The following CFAP92 variants were observed in gnomAD, a reference collection of about 807,000 sequenced individuals.
CFAP92 encodes uncharacterized protein CFAP92.
Under a neutral mutation model 106.3 loss-of-function variants are expected in CFAP92, and 86 were observed. The ratio of observed to expected loss-of-function variants is 0.81; its 90% CI spans 0.68 to 0.97. The LOEUF is 0.97. Among genes scored for constraint, CFAP92 ranks in the 50% least tolerant of loss-of-function variants. CFAP92 has a pLI of 0.00. For missense variants in CFAP92, 1,204 were observed against 1,283.8 expected (o/e 0.94, Z 0.95); for synonymous variants, 477 against 506.4 (o/e 0.94, Z 0.78).
At chr3:128,961,960 T>C (rs993511650) in intron 9 of CFAP92, among the ~76,000 whole-genome samples, 2 of 151,844 alleles carry the variant, frequency 1.3e-5, no homozygotes, top group African/African-American at 2.4e-5. Flanking sequence ...CTCCAGAACC[T>C]CCTCCCCCAG....
chr3:128,948,934 G>A (rs114989731), intron 9 of CFAP92, among the ~76,000 whole-genome samples: 3,069 of 152,330 alleles, frequency 0.02, 116 homozygotes, highest in African/African-American at 0.069. Flanking sequence ...CAAATGGGAT[G>A]TAAAATGGCA....
chr3:128,947,071 G>T (rs971784941), intron 9 of CFAP92, among the ~76,000 whole-genome samples: 1 of 152,040 alleles, frequency 6.6e-6, no homozygotes. Flanking sequence ...TCTGGAACTG[G>T]CAGTAAAAAG....
At chr3:128,995,194 C>T (rs190739415), upstream of CFAP92, among the ~76,000 whole-genome samples, 2 of 152,314 alleles carry the variant, frequency 1.3e-5, no homozygotes, top group African/African-American at 2.4e-5. Context: ...AAAACTGTGG[C>T]GCAGCTGGGG....
chr3:128,910,159 G>C lies in CFAP92; in HGVS notation c.*140C>G. The C allele has an allele frequency of 6.2e-7, 1 of 1,613,974 alleles. No homozygotes were observed. Among genetic ancestry groups the C allele is most frequent in the African/African-American group, 1.3e-5 (1 of 75,072 alleles). On this transcript the variant is annotated 3_prime_UTR_variant, in exon 16 of 16. Transcript: ENST00000645291. ...CAACCACGACCACGAGGTGAGCCCA[G>C]CCCAGCCTCACACAGGGCCTGGCTG...
chr3:129,023,655 A>T, the CFAP92 span, among the ~76,000 whole-genome samples: 1 of 152,138 alleles, frequency 6.6e-6, no homozygotes, highest in Non-Finnish European at 1.5e-5. Context: ...TAAATTTAAC[A>T]ATGGTTACTA....
intron 9 of CFAP92, among the ~76,000 whole-genome samples, chr3:128,951,283 A>G (rs1019061516): frequency 6.6e-5 from 10 of 152,122 alleles, no homozygotes; most frequent in Non-Finnish European, 1.5e-4. Flanking sequence ...TAGCTAACAG[A>G]GTCCCAAAAA....
chr3:128,973,674 A>AG (rs200722981), intron 7 of CFAP92, among the ~76,000 whole-genome samples: 64 of 151,530 alleles, frequency 4.2e-4, no homozygotes, highest in African/African-American at 1.4e-3. Flanking sequence ...AAAAAAAAAA[A>AG]AGAGAGAGAT....
rs373541518 is a variant in CFAP92 at position 128,912,434 on chromosome 3, G to A, written c.3281-2101C>T. 6.5e-6 allele frequency: 9 copies of A among 1,381,392 alleles called. No homozygotes were observed. The African/African-American group carries it at 1.3e-4, about 20-fold the overall frequency. 85.6% of individuals were successfully genotyped at this position (1,381,392 alleles called of 1,614,324 possible). A position where few individuals can be genotyped will look rare whatever the true frequency, so the allele number is the denominator to read the frequency against. On this transcript the variant is annotated intron_variant, in intron 15 of 15. Transcript: ENST00000645291. ...GGGTGGGCTGACTTTGTGGAAAAAT[G>A]CCCCCACTTCAGCCATGTTTGTCTT...
chr3:128,987,515 A>C (rs1943932592), intron 4 of CFAP92, 101 bp downstream of exon 4: 1 of 1,022,946 alleles, frequency 9.8e-7, no homozygotes, highest in Admixed American at 2.1e-5. Flanking sequence ...GTGTGTGCAC[A>C]TGCCAATTAG....
upstream of CFAP92, among the ~76,000 whole-genome samples, chr3:129,006,882 C>T (rs1273429816): frequency 6.6e-6 from 1 of 151,986 alleles, no homozygotes; most frequent in African/African-American, 2.4e-5. Context: ...TGCCCCAAAG[C>T]TCTCACTCTG....
At chr3:128,971,493 G>A in intron 7 of CFAP92, 60 bp from the exon 8 acceptor site, 1 of 1,350,988 alleles carries the variant, frequency 7.4e-7, no homozygotes, top group Non-Finnish European at 1.0e-6. Context: ...GCTGCCATAT[G>A]TGGACCTGAA....
At chr3:129,004,192 C>A (rs890778270), upstream of CFAP92, 43 of 1,220,552 alleles carry the variant, frequency 3.5e-5, no homozygotes, top group African/African-American at 6.6e-4. Flanking sequence ...TTTCTCCATG[C>A]GTTTATTCAT....
At chr3:128,959,766 T>C (rs1941735746) in intron 9 of CFAP92, among the ~76,000 whole-genome samples, 1 of 152,160 alleles carries the variant, frequency 6.6e-6, no homozygotes, top group South Asian at 2.1e-4. Context: ...AGGAACCCCA[T>C]CTCTTTTGTA....
At chr3:128,956,602 A>G (rs956101930) in intron 9 of CFAP92, among the ~76,000 whole-genome samples, 1 of 152,152 alleles carries the variant, frequency 6.6e-6, no homozygotes, top group Admixed American at 6.6e-5. Context: ...TATAGGGAAA[A>G]AAAAGTAATT....
At chr3:128,917,620 A>G (rs930864511) in intron 12 of CFAP92, among the ~76,000 whole-genome samples, 11 of 152,218 alleles carry the variant, frequency 7.2e-5, no homozygotes, top group Admixed American at 7.2e-4. Flanking sequence ...TTAACATAAG[A>G]AATTGTTTTA....
intron 4 of CFAP92, among the ~76,000 whole-genome samples, chr3:128,980,399 T>C (rs945605832): frequency 4.1e-5 from 6 of 147,644 alleles, no homozygotes; most frequent in Admixed American, 6.8e-5. Context: ...CTAACACTCA[T>C]CTGAGCCTGT....
At chr3:128,984,340 G>A (rs779648176) in intron 4 of CFAP92, among the ~76,000 whole-genome samples, 3 of 152,172 alleles carry the variant, frequency 2.0e-5, no homozygotes, top group Non-Finnish European at 2.9e-5. Flanking sequence ...CCCTCAAGCT[G>A]GGTGGGCACC....
intron 9 of CFAP92, among the ~76,000 whole-genome samples, chr3:128,960,222 G>T (rs1361087873): frequency 6.6e-6 from 1 of 152,212 alleles, no homozygotes; most frequent in Non-Finnish European, 1.5e-5. Flanking sequence ...AAGCCTGTTT[G>T]GTGGTCTCTT....
intron 2 of CFAP92, among the ~76,000 whole-genome samples, 169 bp downstream of exon 2, chr3:128,992,874 C>A (rs889953820): frequency 6.6e-6 from 1 of 152,146 alleles, no homozygotes; most frequent in African/African-American, 2.4e-5. Flanking sequence ...TTGGGCCTCT[C>A]CTAAAATTGC....
Sources: gnomAD v4.1 joint callset for allele counts (sites outside exome capture counted in the v4.1 genomes callset) on GRCh38, gnomAD v4.1.1 for gene constraint, MANE v1.5 for transcripts, NCBI Gene and HGNC (gene_info 2026-07-23, HGNC 2026-07-21) for gene names.